The following AK5 variants were observed in gnomAD, a reference collection of about 807,000 sequenced individuals.
AK5 encodes adenylate kinase 5.
A neutral mutation model predicts 69.5 loss-of-function variants in AK5; 27 were observed. The ratio of observed to expected loss-of-function variants is 0.39; its 90% CI spans 0.29 to 0.54. The LOEUF is 0.54. AK5 is among the 20% of genes least tolerant of loss of function. AK5 has a pLI of 0.71. For synonymous variants in AK5, 260 were observed against 244.4 expected (o/e 1.06, Z -0.60); for missense variants, 531 against 700.4 (o/e 0.76, Z 2.73).
Position 77,444,212 on chromosome 1 carries a change from T to TAC in AK5, c.1059+26498_1059+26499dup, listed in dbSNP as rs547313102. On this transcript the variant is annotated intron_variant, in intron 8 of 13. Coordinates refer to ENST00000354567, the MANE Select transcript of AK5 (RefSeq NM_174858.3). ...GATAAGTGGTATATATATATATATA[T>TAC]ACCACTTATGTATATATATATAGTA... 8.8e-4 allele frequency among the ~76,000 whole-genome samples: 101 copies of TAC among 114,844 alleles called. 2 individuals carry two copies. The highest frequency in any genetic ancestry group is 1.5e-3 in the Admixed American group (15 of 10,048). 75.3% of individuals were successfully genotyped at this position (114,844 alleles called of 152,430 possible).
intron 10 of AK5, among the ~76,000 whole-genome samples, chr1:77,508,866 C>CAA (rs11380102): frequency 4.7e-4 from 63 of 133,928 alleles, no homozygotes; most frequent in East Asian, 1.7e-3. Context: ...GACTCCATCT[C>CAA]AAAAAAAAAA....
At chr1:77,536,465 C>A (rs564848561) in intron 13 of AK5, among the ~76,000 whole-genome samples, 14 of 152,290 alleles carry the variant, frequency 9.2e-5, no homozygotes, top group Non-Finnish European at 1.8e-4. Context: ...AAGAAAACAA[C>A]AACAAGAATT....
intron 1 of AK5, chr1:77,283,168 C>T: frequency 2.0e-6 from 2 of 985,532 alleles, no homozygotes; most frequent in African/African-American, 1.7e-5. Context: ...AGAGGAGGCT[C>T]GAGGAATGAA....
At chr1:77,472,844 A>T (rs1342765928) in intron 8 of AK5, among the ~76,000 whole-genome samples, 2 of 132,528 alleles carry the variant, frequency 1.5e-5, no homozygotes, top group Non-Finnish European at 3.4e-5. Flanking sequence ...TTCAGATTCT[A>T]GTTGCCCACA....
chr1:77,456,232 G>A (rs1237404846), intron 8 of AK5, among the ~76,000 whole-genome samples: 1 of 152,180 alleles, frequency 6.6e-6, no homozygotes, highest in African/African-American at 2.4e-5. Flanking sequence ...CTCTACTACC[G>A]CAGTTGTTTC....
In AK5 at chr1:77,520,320, T is replaced by C. The variant is rs561374448; in HGVS notation, c.1312-1507T>C. 1.5e-4 allele frequency among the ~76,000 whole-genome samples: 23 copies of C among 152,352 alleles called. No individual in the cohort carries two copies. The South Asian group carries it at 2.5e-3, about 16-fold the overall frequency. The stretch of plus-strand genomic sequence containing the variant: ...GGAGTTGCTCTGGTTCAAACACTTC[T>C]GACACAGCCAGAATGATTTCTTTGA... On this transcript the variant is annotated intron_variant, in intron 11 of 13. Coordinates refer to ENST00000354567, the MANE Select transcript of AK5 (RefSeq NM_174858.3).
intron 6 of AK5, among the ~76,000 whole-genome samples, chr1:77,353,333 G>T (rs1026206858): frequency 6.6e-6 from 1 of 151,882 alleles, no homozygotes; most frequent in Non-Finnish European, 1.5e-5. Context: ...CAAAAATTAG[G>T]CAGGCATGGT....
chr1:77,502,897 C>T (rs1287380773), intron 10 of AK5, among the ~76,000 whole-genome samples: 2 of 152,240 alleles, frequency 1.3e-5, no homozygotes, highest in African/African-American at 4.8e-5. Context: ...CCCCCTCTCA[C>T]ACCCTGCTGT....
chr1:77,391,495 GTATA>G (rs753916010), intron 6 of AK5, among the ~76,000 whole-genome samples: 19,553 of 62,460 alleles, frequency 0.31, 2,112 homozygotes, highest in Middle Eastern at 0.37. Flanking sequence ...GTGTGTGTGT[GTATA>G]TATATATATA....
intron 5 of AK5, among the ~76,000 whole-genome samples, chr1:77,312,811 T>G (rs931180256): frequency 6.6e-6 from 1 of 152,058 alleles, no homozygotes; most frequent in Non-Finnish European, 1.5e-5. Context: ...AGTTTTTCCC[T>G]CTGAGGGGTT....
At chr1:77,523,027 A>G (rs1028968905) in intron 12 of AK5, among the ~76,000 whole-genome samples, 3 of 152,204 alleles carry the variant, frequency 2.0e-5, no homozygotes, top group African/African-American at 7.2e-5. Context: ...GCCAACTGCT[A>G]GCAGGACTAA....
chr1:77,507,580 C>T (rs1657099160), intron 10 of AK5, among the ~76,000 whole-genome samples: 1 of 152,184 alleles, frequency 6.6e-6, no homozygotes, highest in Admixed American at 6.5e-5. Flanking sequence ...TTCTCTCCAG[C>T]TTTATGCTGA....
intron 6 of AK5, among the ~76,000 whole-genome samples, chr1:77,405,641 C>G (rs1649568553): frequency 6.6e-6 from 1 of 152,194 alleles, no homozygotes; most frequent in Non-Finnish European, 1.5e-5. Flanking sequence ...TGAGCCCTGG[C>G]TTCCCAGTGG....
At chr1:77,342,780 T>G (rs1661721577) in intron 6 of AK5, among the ~76,000 whole-genome samples, 1 of 151,968 alleles carries the variant, frequency 6.6e-6, no homozygotes, top group African/African-American at 2.4e-5. Flanking sequence ...AAGATTTTAA[T>G]AAAAATCTGG....
intron 5 of AK5, among the ~76,000 whole-genome samples, chr1:77,319,908 T>C (rs1367784909): frequency 6.6e-6 from 1 of 152,236 alleles, no homozygotes; most frequent in Non-Finnish European, 1.5e-5. Flanking sequence ...TTAGAGATGC[T>C]GAATTTCTAA....
chr1:77,401,312 G>T (rs950753213), intron 6 of AK5, among the ~76,000 whole-genome samples: 9 of 152,142 alleles, frequency 5.9e-5, no homozygotes, highest in Non-Finnish European at 1.2e-4. Flanking sequence ...ACATATAAAA[G>T]AAATTTTGAA....
chr1:77,438,767 A>T (rs2100630326), intron 8 of AK5, among the ~76,000 whole-genome samples: 1 of 152,316 alleles, frequency 6.6e-6, no homozygotes, highest in Non-Finnish European at 1.5e-5. Flanking sequence ...TCACCAGAAG[A>T]GACATGCATC....
intron 9 of AK5, 91 bp downstream of exon 9, chr1:77,483,450 A>G: frequency 1.0e-6 from 1 of 996,628 alleles, no homozygotes; most frequent in Non-Finnish European, 1.6e-6. Context: ...GAGAAAAAAT[A>G]TTAACAGCAT....
In AK5 at chr1:77,287,103, T is replaced by A; in HGVS notation, c.223T>A (p.Ser75Thr). Residue 75 changes from serine (S) to threonine (T), a missense_variant, in exon 2 of 14, where the codon TCA (serine) becomes ACA (threonine). Ser to Thr is a moderately conservative substitution (Grantham distance 58). Coordinates refer to ENST00000354567, the MANE Select transcript of AK5 (RefSeq NM_174858.3). ...CTTACCTCCACTAAATGGAGGACAGTCACGGAGATCCTTTCTAAGAAATGG... is the reference window on the plus strand; with the variant it reads ...CTTACCTCCACTAAATGGAGGACAGACACGGAGATCCTTTCTAAGAAATGG... ...KTLPPLNGGQ[S>T]RRSFLRNVMP... 6.4e-7 allele frequency: 1 copy of A among 1,574,412 alleles called. No homozygotes were observed. The highest frequency in any genetic ancestry group is 1.8e-5 in the Admixed American group (1 of 54,796).
Sources: allele counts gnomAD v4.1 joint callset (sites outside exome capture counted in the v4.1 genomes callset), GRCh38; gene constraint gnomAD v4.1.1; transcripts MANE v1.5; gene names NCBI Gene and HGNC (gene_info 2026-07-23, HGNC 2026-07-21).